The following CLRN1 variants were observed in gnomAD, a reference collection of about 807,000 sequenced individuals.
The protein encoded by CLRN1 is clarin-1.
CLRN1 carries 15 observed loss-of-function variants against 18.7 expected under a neutral mutation model. The ratio of observed to expected loss-of-function variants is 0.80; its 90% CI spans 0.54 to 1.23. CLRN1 has a LOEUF of 1.23. Ranked by LOEUF, CLRN1 falls within the 50% of genes most tolerant of loss-of-function variation. The probability of loss-of-function intolerance (pLI) is 0.00; values close to 1 mark genes in which losing one functional copy is unlikely to be tolerated. For missense variants in CLRN1, 311 were observed against 277.5 expected (o/e 1.12, Z -0.86); for synonymous variants, 104 against 102.9 (o/e 1.01, Z -0.07).
At chr3:150,943,981 A>T in intron 1 of CLRN1, 1 of 1,383,566 alleles carries the variant, frequency 7.2e-7, no homozygotes, top group Non-Finnish European at 1.0e-6. Flanking sequence ...TGAAGGGGTC[A>T]AGAAAATAGC....
At position 150,927,711 on chromosome 3, in the gene CLRN1, T is replaced by C; in HGVS notation, c.*225A>G. 1 of 674,944 alleles carries C rather than the reference T, an allele frequency of 1.5e-6. No homozygotes were observed. Among genetic ancestry groups the C allele is most frequent in the Non-Finnish European group, 2.7e-6 (1 of 372,106 alleles). The allele number at this position is 674,944 out of a possible 1,614,324, so 41.8% of individuals were successfully genotyped here. ...TCGATTCTAGTCAACTGCCTTTGAC[T>C]ACCTGGGTCAAGCAATTTCCCACCA... On this transcript the variant is annotated 3_prime_UTR_variant, in exon 3 of 3. Transcript: ENST00000327047.
Position 150,926,972 on chromosome 3 carries a change from G to T in CLRN1, c.*964C>A. ...AAGACCAAGATGATACAGTGATACC[G>T]TCATAATCCCAGATTTAATATAATT... is the stretch of plus-strand genomic sequence containing the variant. On this transcript the variant is annotated 3_prime_UTR_variant, in exon 3 of 3. Transcript: ENST00000327047. 6.3e-7 allele frequency: 1 copy of T among 1,588,020 alleles called. No individual in the cohort carries two copies.
At chr3:150,954,876 A>G (rs1478382850) in intron 1 of CLRN1, among the ~76,000 whole-genome samples, 1 of 152,254 alleles carries the variant, frequency 6.6e-6, no homozygotes, top group Non-Finnish European at 1.5e-5. Flanking sequence ...TAGACTTAAC[A>G]TATAACCCAG....
intron 1 of CLRN1, among the ~76,000 whole-genome samples, chr3:150,955,313 G>A (rs1714687990): frequency 2.0e-5 from 3 of 152,156 alleles, no homozygotes; most frequent in Admixed American, 2.0e-4. Flanking sequence ...CTTTGTTGTG[G>A]TAGTCATTAT....
intron 2 of CLRN1, among the ~76,000 whole-genome samples, chr3:150,935,204 T>C (rs1713394301): frequency 6.6e-6 from 1 of 151,864 alleles, no homozygotes; most frequent in Non-Finnish European, 1.5e-5. Flanking sequence ...GCAGGTTAGG[T>C]ACATATGTAT....
intron 1 of CLRN1, among the ~76,000 whole-genome samples, chr3:150,947,494 T>C (rs904260319): frequency 2.6e-5 from 4 of 152,164 alleles, no homozygotes; most frequent in African/African-American, 4.8e-5. Context: ...TATTAGATCA[T>C]GGAGGCAGGA....
intron 2 of CLRN1, among the ~76,000 whole-genome samples, chr3:150,934,600 C>A (rs567282818): frequency 6.6e-6 from 1 of 152,280 alleles, no homozygotes; most frequent in South Asian, 2.1e-4. Context: ...TACCACTGAT[C>A]CATGTCAAGT....
At chr3:150,947,762 GC>G (rs1576635906) in intron 1 of CLRN1, among the ~76,000 whole-genome samples, 1 of 152,132 alleles carries the variant, frequency 6.6e-6, no homozygotes, top group East Asian at 1.9e-4. Context: ...TCAAAACCAT[GC>G]AATTACATGG....
intron 1 of CLRN1, among the ~76,000 whole-genome samples, chr3:150,960,732 A>C (rs1361144329): frequency 6.6e-6 from 1 of 152,206 alleles, no homozygotes; most frequent in Non-Finnish European, 1.5e-5. Flanking sequence ...CTTTGGAAGG[A>C]GCAGAGCCCT....
chr3:150,935,495 T>G (rs1296074255), intron 2 of CLRN1, among the ~76,000 whole-genome samples: 1 of 151,732 alleles, frequency 6.6e-6, no homozygotes, highest in Non-Finnish European at 1.5e-5. Context: ...TATGGCTGCA[T>G]AGTATTCCAT....
At chr3:150,933,305 A>T (rs1264630134) in intron 2 of CLRN1, among the ~76,000 whole-genome samples, 1 of 152,162 alleles carries the variant, frequency 6.6e-6, no homozygotes, top group Non-Finnish European at 1.5e-5. Context: ...ATAACTTGAT[A>T]AGTACATTCA....
chr3:150,953,381 A>C (rs938496025), intron 1 of CLRN1, among the ~76,000 whole-genome samples: 3 of 152,102 alleles, frequency 2.0e-5, no homozygotes. Flanking sequence ...CTCTGAGTCA[A>C]TGTGTCTCGG....
chr3:150,944,053 A>G (rs1714021494), intron 1 of CLRN1: 1 of 839,970 alleles, frequency 1.2e-6, no homozygotes. Flanking sequence ...AAAATAGGGT[A>G]ATGGGATTTT....
At chr3:150,945,518 T>C (rs1306894913) in intron 1 of CLRN1, 4 of 1,286,954 alleles carry the variant, frequency 3.1e-6, no homozygotes, top group Non-Finnish European at 4.0e-6. Flanking sequence ...ACTAACTACA[T>C]ATGTACATAC....
chr3:150,941,712 G>T lies in CLRN1; in HGVS notation c.303C>A (p.Val101=), dbSNP rs1335412878. Residue 101 remains valine (V), a synonymous_variant, in exon 2 of 3, where the codon GTC becomes GTA. Coordinates refer to ENST00000327047, the MANE Select transcript of CLRN1 (RefSeq NM_174878.3). ...CAATAAGGATGGCAGAGAAGAGAATGACATTGACGTGGATGCTCACTGGGA... is the reference window on the plus strand; with the variant it reads ...CAATAAGGATGGCAGAGAAGAGAATTACATTGACGTGGATGCTCACTGGGA... ...KAIPVSIHVN[V]ILFSAILIVL... The T allele has an allele frequency of 1.2e-6, 2 of 1,613,948 alleles. No individual in the cohort carries two copies. Among genetic ancestry groups the T allele is most frequent in the Non-Finnish European group, 1.7e-6 (2 of 1,179,944 alleles).
At chr3:150,961,114 C>A (rs1222126836) in intron 1 of CLRN1, among the ~76,000 whole-genome samples, 2 of 152,204 alleles carry the variant, frequency 1.3e-5, no homozygotes, top group Non-Finnish European at 1.5e-5. Context: ...AGATCCCAGC[C>A]TAATTTTGAT....
rs372581329 is a variant in CLRN1 at position 150,947,761 on chromosome 3, T to C, written c.254-6000A>G. Among the ~76,000 whole-genome samples, 103 of 152,250 alleles carry C rather than the reference T, an allele frequency of 6.8e-4. 1 individual carries two copies. The South Asian group carries it at 0.021, about 31-fold the overall frequency. On this transcript the variant is annotated intron_variant, in intron 1 of 2. Transcript: ENST00000327047. Reference sequence around the variant, plus strand: ...AGACTAAGAAAATCGCTCAAAACCATGCAATTACATGGAAATTAAACAACA... The same window carrying C: ...AGACTAAGAAAATCGCTCAAAACCACGCAATTACATGGAAATTAAACAACA...
rs779382673 is a variant in CLRN1 at position 150,941,680 on chromosome 3, G to T, written c.335C>A (p.Thr112Asn). The T allele has an allele frequency of 1.2e-5, 19 of 1,614,044 alleles. No individual in the cohort carries two copies. In the South Asian group the frequency reaches 2.1e-4, roughly 18 times the overall value. Reference protein sequence around the residue: ...ILFSAILIVLTMVGTAFFMYN... With the variant: ...ILFSAILIVLNMVGTAFFMYN... Reference sequence around the variant, plus strand: ...CATGAAGAAGGCTGTCCCCACCATGGTTAACACAATAAGGATGGCAGAGAA... The same window carrying T: ...CATGAAGAAGGCTGTCCCCACCATGTTTAACACAATAAGGATGGCAGAGAA... The change falls in exon 2 of 3, where the codon ACC becomes AAC. Residue 112 changes from threonine to asparagine, a missense_variant. Transcript: ENST00000327047.
chr3:150,943,996 A>G (rs1714017292), intron 1 of CLRN1: 2 of 1,238,842 alleles, frequency 1.6e-6, no homozygotes, highest in Non-Finnish European at 2.3e-6. Context: ...AATAGCCTGC[A>G]TCAACAACAA....
Sources: gnomAD v4.1 joint callset for allele counts (sites outside exome capture counted in the v4.1 genomes callset) on GRCh38, gnomAD v4.1.1 for gene constraint, MANE v1.5 for transcripts, NCBI Gene and HGNC (gene_info 2026-07-23, HGNC 2026-07-21) for gene names.